FARS2: variants seen among roughly 807,000 people sequenced by gnomAD.
FARS2 encodes the protein phenylalanyl-tRNA synthetase 2, mitochondrial.
Under a neutral mutation model 46.4 loss-of-function variants are expected in FARS2, and 40 were observed. The ratio of observed to expected loss-of-function variants is 0.86; its 90% CI spans 0.67 to 1.12. The LOEUF (loss-of-function observed/expected upper bound fraction) is 1.12. Ranked by LOEUF, FARS2 falls within the 50% of genes most tolerant of loss-of-function variation. The pLI is 0.00. For synonymous variants in FARS2, 234 were observed against 214.9 expected, an observed-to-expected ratio of 1.09 and a Z score of -0.78; for missense variants, 513 against 567.9, an observed-to-expected ratio of 0.90 and a Z score of 0.98.
intron 3 of FARS2, 54 bp downstream of exon 3, chr6:5,404,755 A>G: frequency 8.7e-7 from 1 of 1,155,348 alleles, no homozygotes; most frequent in Non-Finnish European, 1.2e-6. Flanking sequence ...TTGGGACAGA[A>G]GTGTTTTGGA....
At chr6:5,580,964 G>C (rs774735670) in intron 5 of FARS2, among the ~76,000 whole-genome samples, 1 of 152,212 alleles carries the variant, frequency 6.6e-6, no homozygotes, top group Admixed American at 6.5e-5. Context: ...CTATTCATTG[G>C]TTCTGGAAAG....
chr6:5,539,384 G>GTGTGTGTA, intron 4 of FARS2, among the ~76,000 whole-genome samples: 1 of 79,582 alleles, frequency 1.3e-5, no homozygotes, highest in Non-Finnish European at 2.8e-5. Context: ...TTTTTTTTGT[G>GTGTGTGTA]TATATATATA....
At chr6:5,738,294 C>T (rs1761080605) in intron 6 of FARS2, among the ~76,000 whole-genome samples, 1 of 152,162 alleles carries the variant, frequency 6.6e-6, no homozygotes, top group Non-Finnish European at 1.5e-5. Context: ...TTGTTGAATG[C>T]AGCTGCCCTC....
At chr6:5,407,450 G>A (rs1176071193) in intron 3 of FARS2, among the ~76,000 whole-genome samples, 1 of 152,050 alleles carries the variant, frequency 6.6e-6, no homozygotes, top group Non-Finnish European at 1.5e-5. Context: ...CATAGTTCAT[G>A]TAATATATAA....
At chr6:5,603,457 A>G (rs1774655899) in intron 5 of FARS2, among the ~76,000 whole-genome samples, 1 of 152,204 alleles carries the variant, frequency 6.6e-6, no homozygotes, top group Non-Finnish European at 1.5e-5. Context: ...ATAAACAGGT[A>G]CCACAGCCAG....
intron 3 of FARS2, among the ~76,000 whole-genome samples, chr6:5,421,216 C>T (rs969855135): frequency 4.6e-5 from 7 of 150,940 alleles, no homozygotes; most frequent in African/African-American, 1.5e-4. Flanking sequence ...CTGCACCCTC[C>T]GAAGCCACAG....
chr6:5,353,200 A>G (rs998365501), intron 1 of FARS2, among the ~76,000 whole-genome samples: 3 of 152,088 alleles, frequency 2.0e-5, no homozygotes, highest in Non-Finnish European at 4.4e-5. Context: ...ATAATGTGCT[A>G]TAGATTCATC....
chr6:5,631,091 C>A (rs1247925905), intron 6 of FARS2, among the ~76,000 whole-genome samples: 1 of 152,172 alleles, frequency 6.6e-6, no homozygotes, highest in Non-Finnish European at 1.5e-5. Context: ...GACCTCCACT[C>A]ACCTCACAAA....
At chr6:5,475,499 T>G (rs1436554900) in intron 4 of FARS2, among the ~76,000 whole-genome samples, 1 of 152,206 alleles carries the variant, frequency 6.6e-6, no homozygotes, top group Non-Finnish European at 1.5e-5. Context: ...ATGAAGCATG[T>G]GCGTTTCAGA....
chr6:5,365,317 CTTTTTTT>C (rs61097603), intron 1 of FARS2, among the ~76,000 whole-genome samples: 287 of 42,492 alleles, frequency 6.8e-3, no homozygotes, highest in Non-Finnish European at 9.7e-3. Context: ...AGTATACTTT[CTTTTTTT>C]TTTTTTTTTT....
intron 5 of FARS2, among the ~76,000 whole-genome samples, chr6:5,557,183 A>G (rs921179366): frequency 6.6e-6 from 1 of 152,108 alleles, no homozygotes; most frequent in African/African-American, 2.4e-5. Context: ...ATGGGAAGTA[A>G]TTGTTACAGG....
chr6:5,276,265 G>C (rs992660854), intron 1 of FARS2, among the ~76,000 whole-genome samples: 2 of 152,220 alleles, frequency 1.3e-5, no homozygotes, highest in East Asian at 3.8e-4. Flanking sequence ...CTGTATATAT[G>C]TGATAGTAAG....
chr6:5,612,732 T>C (rs1366343521), intron 5 of FARS2, among the ~76,000 whole-genome samples: 1 of 152,222 alleles, frequency 6.6e-6, no homozygotes, highest in Non-Finnish European at 1.5e-5. Flanking sequence ...TAACAAATAA[T>C]GACATTACTA....
intron 4 of FARS2, among the ~76,000 whole-genome samples, chr6:5,506,873 G>C (rs1374944672): frequency 6.6e-6 from 1 of 152,202 alleles, no homozygotes; most frequent in East Asian, 1.9e-4. Context: ...TGTTGCTCTT[G>C]GCAATCCAGA....
chr6:5,667,253 C>T (rs937128809), intron 6 of FARS2, among the ~76,000 whole-genome samples: 3 of 152,166 alleles, frequency 2.0e-5, no homozygotes, highest in African/African-American at 4.8e-5. Context: ...GGCACAGTGG[C>T]TCACGCCTGT....
intron 6 of FARS2, among the ~76,000 whole-genome samples, chr6:5,737,178 G>A (rs1436302537): frequency 1.3e-5 from 2 of 152,134 alleles, no homozygotes; most frequent in Non-Finnish European, 2.9e-5. Flanking sequence ...AATACACTCA[G>A]AGCCACTCAA....
At chr6:5,332,456 G>A (rs1770863273) in intron 1 of FARS2, among the ~76,000 whole-genome samples, 1 of 152,202 alleles carries the variant, frequency 6.6e-6, no homozygotes, top group Non-Finnish European at 1.5e-5. Flanking sequence ...GCCATAGAAA[G>A]GCTAATGGAA....
chr6:5,387,718 G>T (rs996804657), intron 2 of FARS2, among the ~76,000 whole-genome samples: 2 of 152,144 alleles, frequency 1.3e-5, no homozygotes, highest in Non-Finnish European at 2.9e-5. Flanking sequence ...TGCTCCAGAG[G>T]TCGTGATGTT....
intron 5 of FARS2, among the ~76,000 whole-genome samples, chr6:5,597,617 G>A (rs568863222): frequency 5.3e-5 from 8 of 152,330 alleles, no homozygotes; most frequent in Admixed American, 2.6e-4. Flanking sequence ...GCAGGGACCC[G>A]CTGTGAACTT....
Sources: gnomAD v4.1 joint callset for allele counts (sites outside exome capture counted in the v4.1 genomes callset) on GRCh38, gnomAD v4.1.1 for gene constraint, MANE v1.5 for transcripts, NCBI Gene and HGNC (gene_info 2026-07-23, HGNC 2026-07-21) for gene names.